Variants in CORO7 observed in about 807,000 individuals in gnomAD.
CORO7 encodes the protein coronin-7.
In CORO7, 107 loss-of-function variants were observed where a neutral mutation model predicts 126.6. That is an observed-to-expected ratio of 0.85 (90% confidence interval 0.72 to 0.99). The LOEUF (loss-of-function observed/expected upper bound fraction) is 0.99. Among genes scored for constraint, CORO7 ranks in the 50% least tolerant of loss-of-function variants. The probability of loss-of-function intolerance (pLI) is 0.00; values close to 1 mark genes in which losing one functional copy is unlikely to be tolerated. For synonymous variants in CORO7, 603 were observed against 536.8 expected, an observed-to-expected ratio of 1.12 and a Z score of -1.70; for missense variants, 1,314 against 1,255.8, an observed-to-expected ratio of 1.05 and a Z score of -0.70.
At chr16:4,391,683 T>C (rs1355952411) in intron 7 of CORO7, among the ~76,000 whole-genome samples, 2 of 152,348 alleles carry the variant, frequency 1.3e-5, no homozygotes, top group South Asian at 2.1e-4. Context: ...GTGAGCCGTG[T>C]TGGCGCCACT....
intron 9 of CORO7, chr16:4,382,946 A>G: frequency 6.9e-7 from 1 of 1,450,042 alleles, no homozygotes; most frequent in Non-Finnish European, 9.1e-7. Context: ...AGCCAGTGAG[A>G]TGGCCAGCCC....
intron 9 of CORO7, among the ~76,000 whole-genome samples, chr16:4,369,534 G>C (rs1310420032): frequency 3.9e-5 from 6 of 152,342 alleles, no homozygotes; most frequent in African/African-American, 1.4e-4. Flanking sequence ...CCCTCAGCCA[G>C]GTCCCAGGAG....
At chr16:4,382,273 C>G in intron 9 of CORO7, 1 of 1,608,906 alleles carries the variant, frequency 6.2e-7, no homozygotes, top group Non-Finnish European at 8.5e-7. Context: ...GTCCCTGACC[C>G]TGGGCATCGA....
chr16:4,377,222 G>A (rs2054766660), intron 9 of CORO7, among the ~76,000 whole-genome samples: 1 of 152,030 alleles, frequency 6.6e-6, no homozygotes, highest in Non-Finnish European at 1.5e-5. Flanking sequence ...CCCACCCCCC[G>A]ACGTCCCCGA....
Position 4,388,543 on chromosome 16 carries a change from A to G in CORO7, c.702+2T>C, listed in dbSNP as rs1308083865. 7 of 1,611,730 alleles carry G rather than the reference A, an allele frequency of 4.3e-6. No individual in the cohort carries two copies. Among genetic ancestry groups the G allele is most frequent in the Non-Finnish European group, 5.9e-6 (7 of 1,179,456 alleles). ...CCTGCTCCTCCAGGAGGAACCCCCT[A>G]CCTGGTTGAATCCAGTAGACACAAG... On this transcript the variant is annotated splice_donor_variant, in intron 8 of 27. Coordinates refer to ENST00000251166, the MANE Select transcript of CORO7 (RefSeq NM_024535.5). LOFTEE classifies it high-confidence loss of function.
chr16:4,355,066 GC>G lies in CORO7; in HGVS notation c.*91del, dbSNP rs750089952. The G allele has an allele frequency of 7.3e-7, 1 of 1,374,560 alleles. No individual in the cohort carries two copies. The highest frequency in any genetic ancestry group is 1.5e-5 in the African/African-American group (1 of 68,306). The allele number at this position is 1,374,560 out of a possible 1,614,324, so 85.1% of individuals were successfully genotyped here. A position where few individuals can be genotyped will look rare whatever the true frequency, so the allele number is the denominator to read the frequency against. ...GAGTGCAGGGGTGACATGTGCCGGG[GC>G]CAGAGAGGTATCTTCCAGCTTGAGG... On this transcript the variant is annotated 3_prime_UTR_variant, in exon 28 of 28. Transcript: ENST00000251166.
Position 4,412,369 on chromosome 16 carries a change from C to T in CORO7, c.219G>A (p.Leu73=), listed in dbSNP as rs944618909. The change falls in exon 3 of 28, where the codon CTG becomes CTA. Residue 73 remains leucine, a synonymous_variant. Coordinates refer to ENST00000251166, the MANE Select transcript of CORO7 (RefSeq NM_024535.5). ...QGEDKRRVAH[L]GCHSDLVTDL... is the part of the protein sequence containing the mutation. ...ACACCCACTCACCTGAATGGCAGCC[C>T]AGGTGGGCCACGCGTCGCTTGTCCT... The T allele has an allele frequency of 6.2e-7, 1 of 1,614,202 alleles. No individual in the cohort carries two copies.
chr16:4,355,467 AC>A, intron 26 of CORO7, 95 bp from the exon 27 acceptor site: 2 of 1,344,678 alleles, frequency 1.5e-6, no homozygotes, highest in South Asian at 1.4e-5. Flanking sequence ...TGTGAAAAGA[AC>A]TTTTTTTTTT....
chr16:4,416,271 G>T (rs1487470968), intron 1 of CORO7, among the ~76,000 whole-genome samples, 188 bp downstream of exon 1: 2 of 152,146 alleles, frequency 1.3e-5, no homozygotes, highest in African/African-American at 4.8e-5. Context: ...GGGAGTGCCG[G>T]ACTCTGCCCT....
intron 6 of CORO7, among the ~76,000 whole-genome samples, chr16:4,401,810 C>A (rs557187843): frequency 1.9e-4 from 29 of 152,044 alleles, no homozygotes; most frequent in Non-Finnish European, 3.1e-4. Flanking sequence ...TCCTGCCCCA[C>A]AGAGGTGCAG....
In CORO7 at chr16:4,406,085, C is replaced by T. The variant is rs538383250; in HGVS notation, c.488-518G>A. ...TGCAATCTCAGCTCACTGCAATCTC[C>T]GCCTCCTGGGTTCCAGCAATTCTCC... On this transcript the variant is annotated intron_variant, in intron 5 of 27. Transcript: ENST00000251166. Among the ~76,000 whole-genome samples the T allele has an allele frequency of 1.5e-4, 23 of 152,240 alleles. 1 individual carries two copies. In the South Asian group the frequency reaches 4.1e-3, roughly 27 times the overall value.
chr16:4,369,263 C>G (rs1417563873), intron 9 of CORO7, among the ~76,000 whole-genome samples: 3 of 152,296 alleles, frequency 2.0e-5, no homozygotes, highest in African/African-American at 7.2e-5. Context: ...GGGGTCATGG[C>G]ACCCAGCCCC....
chr16:4,401,586 G>C (rs748148073), intron 6 of CORO7, among the ~76,000 whole-genome samples: 1 of 152,226 alleles, frequency 6.6e-6, no homozygotes, highest in Non-Finnish European at 1.5e-5. Context: ...AGAAGACAGA[G>C]ACCAGAGAGA....
At chr16:4,369,686 G>T (rs1023294449) in intron 9 of CORO7, among the ~76,000 whole-genome samples, 10 of 152,134 alleles carry the variant, frequency 6.6e-5, no homozygotes, top group African/African-American at 2.4e-4. Context: ...CAGCTGCAAG[G>T]CTCCTCCTCT....
intron 1 of CORO7, 25 bp downstream of exon 1, chr16:4,416,434 C>G: frequency 6.4e-7 from 1 of 1,552,820 alleles, no homozygotes; most frequent in Non-Finnish European, 8.6e-7. Context: ...GAGGCGACAG[C>G]GCCCGGTCCT....
chr16:4,412,804 G>A (rs1243248869), intron 2 of CORO7: 2 of 298,562 alleles, frequency 6.7e-6, no homozygotes, highest in Non-Finnish European at 1.3e-5. Context: ...GAGAGGTCAG[G>A]GCCGACAGTA....
rs1329660377 is a variant in CORO7, at chr16:4,362,890, G to A, written c.1276-152C>T. 23 of 912,048 alleles carry A rather than the reference G, an allele frequency of 2.5e-5. No homozygotes were observed. The highest frequency in any genetic ancestry group is 9.4e-5 in the South Asian group (2 of 21,184). The allele number at this position is 912,048 out of a possible 1,614,324, so 56.5% of individuals were successfully genotyped here. Reference sequence around the variant, plus strand: ...TGCGACAGGAGCGGCGGGGGGCACGGGCATAAACGCAGACACACAGGGAAG... The same window carrying A: ...TGCGACAGGAGCGGCGGGGGGCACGAGCATAAACGCAGACACACAGGGAAG... On this transcript the variant is annotated intron_variant, in intron 14 of 27. Transcript: ENST00000251166. This position sits in a 1 kb window ranked among gnomAD's most constrained non-coding sequence, Gnocchi z 5.3.
At chr16:4,374,148 G>A (rs1310931649) in intron 9 of CORO7, among the ~76,000 whole-genome samples, 4 of 150,330 alleles carry the variant, frequency 2.7e-5, no homozygotes, top group South Asian at 2.1e-4. Flanking sequence ...TGGCGTGGGC[G>A]TGTCTGTGTG....
rs746253874 is a variant in CORO7, at chr16:4,354,971, G to A, written c.*187C>T. 7.1e-6 allele frequency: 4 copies of A among 561,364 alleles called. No homozygotes were observed. Among genetic ancestry groups the A allele is most frequent in the East Asian group, 6.1e-5 (2 of 33,008 alleles). 34.8% of individuals were successfully genotyped at this position (561,364 alleles called of 1,614,324 possible). On this transcript the variant is annotated 3_prime_UTR_variant, in exon 28 of 28. Transcript: ENST00000251166. ...TGAGCAGCAGCTGACCCCAGAGACA[G>A]CAGAGGTGAAAACAGTCCCTGGGAA...
Sources: allele counts gnomAD v4.1 joint callset (sites outside exome capture counted in the v4.1 genomes callset), GRCh38; gene constraint gnomAD v4.1.1; non-coding constraint Gnocchi (gnomAD v3.1); transcripts MANE v1.5; gene names NCBI Gene and HGNC (gene_info 2026-07-23, HGNC 2026-07-21).